Variants in ANKS1B observed in about 807,000 individuals in gnomAD.
ANKS1B encodes the protein ankyrin repeat and sterile alpha motif domain containing 1B, also known as ankyrin repeat and sterile alpha motif domain-containing protein 1B.
In ANKS1B, 36 loss-of-function variants were observed where a neutral mutation model predicts 148.3. The ratio of observed to expected loss-of-function variants is 0.24; its 90% CI spans 0.19 to 0.32. The LOEUF is 0.32. Ranked by LOEUF, ANKS1B falls within the 10% of genes least tolerant of loss-of-function variation. The probability of loss-of-function intolerance (pLI) is 1.00; values close to 1 mark genes in which losing one functional copy is unlikely to be tolerated. For synonymous variants in ANKS1B, 542 were observed against 560.8 expected (o/e 0.97, Z 0.47); for missense variants, 1,157 against 1,542.6 (o/e 0.75, Z 4.19).
intron 11 of ANKS1B, among the ~76,000 whole-genome samples, chr12:99,439,924 A>G (rs1373579145): frequency 6.6e-6 from 1 of 151,852 alleles, no homozygotes; most frequent in Non-Finnish European, 1.5e-5. Context: ...AACAAATTGT[A>G]ATATACCATA....
At chr12:99,291,643 A>G (rs954311103) in intron 12 of ANKS1B, among the ~76,000 whole-genome samples, 3 of 152,196 alleles carry the variant, frequency 2.0e-5, no homozygotes, top group African/African-American at 7.2e-5. Context: ...ACATTGGGGA[A>G]AGGACAATCT....
chr12:99,014,433 T>A (rs1220101591), intron 17 of ANKS1B, among the ~76,000 whole-genome samples: 1 of 152,150 alleles, frequency 6.6e-6, no homozygotes, highest in Non-Finnish European at 1.5e-5. Context: ...GAAGACAACC[T>A]AGGCAATACC....
At chr12:99,389,226 C>T (rs1046709101) in intron 12 of ANKS1B, among the ~76,000 whole-genome samples, 13 of 152,216 alleles carry the variant, frequency 8.5e-5, no homozygotes, top group African/African-American at 3.1e-4. Context: ...GGCTGGCTCA[C>T]TGTGGCATGA....
At chr12:99,244,976 T>C (rs2090016768) in intron 13 of ANKS1B, among the ~76,000 whole-genome samples, 1 of 152,230 alleles carries the variant, frequency 6.6e-6, no homozygotes, top group African/African-American at 2.4e-5. Context: ...TGCCTCAGCC[T>C]CCCAAGTAGC....
At chr12:99,445,998 T>C (rs1446856495) in intron 10 of ANKS1B, among the ~76,000 whole-genome samples, 2 of 151,956 alleles carry the variant, frequency 1.3e-5, no homozygotes, top group African/African-American at 2.4e-5. Context: ...GCTAGGATTA[T>C]AGCCATGAGC....
intron 22 of ANKS1B, 137 bp from the exon 23 acceptor site, chr12:98,782,274 A>G: frequency 1.4e-6 from 1 of 720,552 alleles, no homozygotes; most frequent in East Asian, 2.7e-5. Flanking sequence ...ACAAAAGAAC[A>G]GGCTTCAGAG....
chr12:99,633,925 C>G (rs368970469), intron 9 of ANKS1B, among the ~76,000 whole-genome samples: 1 of 152,122 alleles, frequency 6.6e-6, no homozygotes, highest in Non-Finnish European at 1.5e-5. Flanking sequence ...TATAACACCA[C>G]TGTATCTTGA....
chr12:99,545,307 A>G (rs2097162404), intron 9 of ANKS1B, among the ~76,000 whole-genome samples: 2 of 152,200 alleles, frequency 1.3e-5, no homozygotes, highest in Non-Finnish European at 2.9e-5. Flanking sequence ...CAATATTTAT[A>G]GAATCCTTTA....
chr12:99,729,541 G>A (rs1360019735), intron 8 of ANKS1B, among the ~76,000 whole-genome samples: 1 of 151,958 alleles, frequency 6.6e-6, no homozygotes, highest in East Asian at 1.9e-4. Context: ...ATGCAAAATT[G>A]TTGTCCTACC....
rs531748669 is a variant in ANKS1B at position 99,885,800 on chromosome 12, T to C, written c.135-60411A>G. On this transcript the variant is annotated intron_variant, in intron 1 of 26. Coordinates refer to ENST00000683438, the MANE Select transcript of ANKS1B (RefSeq NM_001352186.2). ...CTTCAATGTTCATTATATCACTCTGTATGCCTTTGCACGCCCATAGCTTAG... is the reference window on the plus strand; with the variant it reads ...CTTCAATGTTCATTATATCACTCTGCATGCCTTTGCACGCCCATAGCTTAG... Among the ~76,000 whole-genome samples the C allele has an allele frequency of 3.9e-5, 6 of 152,266 alleles. No homozygotes were observed. In the South Asian group the frequency reaches 1.2e-3, roughly 32 times the overall value.
At position 99,029,131 on chromosome 12, in the gene ANKS1B, G is replaced by T. The variant is rs372393603; in HGVS notation, c.2778+24026C>A. 9.2e-5 allele frequency among the ~76,000 whole-genome samples: 14 copies of T among 152,294 alleles called. No individual in the cohort carries two copies. The South Asian group carries it at 2.9e-3, about 32-fold the overall frequency. ...TGCATAATTATTTTTTAATAAAAAA[G>T]AAATAAAAGATTTTGCTGGCTTAAC... On this transcript the variant is annotated intron_variant, in intron 17 of 26. Coordinates refer to ENST00000683438, the MANE Select transcript of ANKS1B (RefSeq NM_001352186.2).
chr12:99,371,452 AG>A (rs1459693840), intron 12 of ANKS1B, among the ~76,000 whole-genome samples: 2 of 152,128 alleles, frequency 1.3e-5, no homozygotes, highest in Non-Finnish European at 1.5e-5. Context: ...GAAGAAGGGT[AG>A]GATTAAAGAT....
chr12:99,051,603 C>T (rs964800144), intron 17 of ANKS1B, among the ~76,000 whole-genome samples: 1 of 152,160 alleles, frequency 6.6e-6, no homozygotes, highest in Admixed American at 6.5e-5. Context: ...AAAAGCAATA[C>T]TGTTTCAGTT....
At chr12:99,334,410 G>A (rs1378897705) in intron 12 of ANKS1B, among the ~76,000 whole-genome samples, 1 of 152,030 alleles carries the variant, frequency 6.6e-6, no homozygotes, top group East Asian at 1.9e-4. Flanking sequence ...TGCTTAGCCA[G>A]AATGGAAGCT....
At chr12:99,637,372 A>G (rs1406447426) in intron 9 of ANKS1B, among the ~76,000 whole-genome samples, 1 of 152,188 alleles carries the variant, frequency 6.6e-6, no homozygotes, top group Non-Finnish European at 1.5e-5. Context: ...CAAATCTCAT[A>G]TTGGATTATA....
chr12:99,244,490 GA>G, intron 13 of ANKS1B, 76 bp from the exon 14 acceptor site: 1 of 975,368 alleles, frequency 1.0e-6, no homozygotes. Flanking sequence ...AGTTTCAAAT[GA>G]AGGGAGCAAA....
At chr12:99,533,688 T>C (rs73147369) in intron 9 of ANKS1B, among the ~76,000 whole-genome samples, 9,805 of 152,194 alleles carry the variant, frequency 0.064, 435 homozygotes, top group East Asian at 0.24. Flanking sequence ...ATGGCTCTTA[T>C]CATTTTGAGG....
At chr12:98,957,349 ATTTATTTATTTATTTT>A (rs2099864166) in intron 17 of ANKS1B, among the ~76,000 whole-genome samples, 1 of 144,454 alleles carries the variant, frequency 6.9e-6, no homozygotes, top group Admixed American at 6.8e-5. Flanking sequence ...TTATTTATTT[ATTTATTTATTTATTTT>A]GAGACGGAGT....
At chr12:99,783,035 A>G (rs530270257) in intron 4 of ANKS1B, among the ~76,000 whole-genome samples, 1 of 151,946 alleles carries the variant, frequency 6.6e-6, no homozygotes, top group South Asian at 2.1e-4. Flanking sequence ...CTAAAAATAC[A>G]AAAAAATTAG....
Sources: gnomAD v4.1 joint callset for allele counts (sites outside exome capture counted in the v4.1 genomes callset) on GRCh38, gnomAD v4.1.1 for gene constraint, MANE v1.5 for transcripts, NCBI Gene and HGNC (gene_info 2026-07-23, HGNC 2026-07-21) for gene names.